Variants in SLC1A2 observed in about 807,000 individuals in gnomAD.
SLC1A2 encodes solute carrier family 1 member 2.
SLC1A2 carries 15 observed loss-of-function variants against 48.8 expected under a neutral mutation model. The ratio of observed to expected loss-of-function variants is 0.31; its 90% CI spans 0.21 to 0.47. The LOEUF (loss-of-function observed/expected upper bound fraction) is 0.47. Among genes scored for constraint, SLC1A2 ranks in the 20% least tolerant of loss-of-function variants. The pLI is 0.99. For missense variants in SLC1A2, 502 were observed against 730.5 expected (o/e 0.69, Z 3.61); for synonymous variants, 279 against 272.6 (o/e 1.02, Z -0.23).
At chr11:35,331,511 C>G (rs982507707) in intron 1 of SLC1A2, among the ~76,000 whole-genome samples, 8 of 152,332 alleles carry the variant, frequency 5.3e-5, no homozygotes, top group African/African-American at 1.9e-4. Context: ...CATCCAGTCA[C>G]CCCTGAAGGG....
intron 1 of SLC1A2, among the ~76,000 whole-genome samples, chr11:35,336,086 T>C (rs1316393480): frequency 6.6e-6 from 1 of 151,392 alleles, no homozygotes; most frequent in Non-Finnish European, 1.5e-5. Context: ...AAACACCACA[T>C]GTTTTCACTT....
intron 1 of SLC1A2, among the ~76,000 whole-genome samples, chr11:35,417,086 A>G (rs374642667): frequency 4.6e-5 from 7 of 152,182 alleles, no homozygotes; most frequent in African/African-American, 1.7e-4. Context: ...TGGGTCATAG[A>G]TCCTATATTT....
intron 1 of SLC1A2, among the ~76,000 whole-genome samples, chr11:35,333,673 T>C (rs572774950): frequency 1.6e-4 from 24 of 151,470 alleles, no homozygotes; most frequent in South Asian, 8.3e-4. Flanking sequence ...TCTTTTTTTT[T>C]CCCCTTGAGA....
chr11:35,308,335 G>A (rs1357382492), intron 4 of SLC1A2, among the ~76,000 whole-genome samples: 1 of 152,200 alleles, frequency 6.6e-6, no homozygotes. Context: ...TTGAAGCTGA[G>A]GAGATAGGAA....
chr11:35,322,642 T>C (rs879063109), intron 1 of SLC1A2: 13 of 1,535,044 alleles, frequency 8.5e-6, no homozygotes, highest in Middle Eastern at 1.7e-4. Context: ...GAGATAAAGA[T>C]GTCCAGAGAT....
intron 10 of SLC1A2, among the ~76,000 whole-genome samples, chr11:35,263,361 G>A (rs1378212746): frequency 2.6e-5 from 4 of 152,062 alleles, no homozygotes; most frequent in Non-Finnish European, 5.9e-5. Context: ...CCAGCTACTC[G>A]AGAGGCTGAG....
intron 9 of SLC1A2, among the ~76,000 whole-genome samples, chr11:35,266,667 A>G (rs1217093779): frequency 6.6e-6 from 1 of 151,810 alleles, no homozygotes; most frequent in African/African-American, 2.4e-5. Context: ...TAGATATTCA[A>G]AGTCTTAAAA....
chr11:35,417,886 G>A (rs186264468), intron 1 of SLC1A2, among the ~76,000 whole-genome samples: 77 of 152,258 alleles, frequency 5.1e-4, no homozygotes, highest in African/African-American at 1.8e-3. Context: ...ACAAGCCTGC[G>A]GAGTTGGTAA....
intron 1 of SLC1A2, among the ~76,000 whole-genome samples, chr11:35,358,368 T>G (rs183113082): frequency 6.6e-6 from 1 of 152,214 alleles, no homozygotes; most frequent in Non-Finnish European, 1.5e-5. Flanking sequence ...ATCATAATAT[T>G]AATCATGTTT....
At chr11:35,329,316 C>A (rs1852352988) in intron 1 of SLC1A2, among the ~76,000 whole-genome samples, 1 of 152,080 alleles carries the variant, frequency 6.6e-6, no homozygotes, top group Non-Finnish European at 1.5e-5. Flanking sequence ...TTGTCCAAAC[C>A]CATGAATGTA....
At chr11:35,360,852 C>T (rs546628654) in intron 1 of SLC1A2, among the ~76,000 whole-genome samples, 50 of 152,046 alleles carry the variant, frequency 3.3e-4, no homozygotes, top group Admixed American at 1.3e-4. Flanking sequence ...TAAAATGTTC[C>T]TGCATTTATT....
rs181770796 is a variant in SLC1A2 at position 35,312,381 on chromosome 11, G to A, written c.378C>T (p.Ser126=). 2.1e-4 allele frequency: 339 copies of A among 1,614,112 alleles called. 3 individuals carry two copies. The East Asian group carries it at 6.4e-3, about 31-fold the overall frequency. Reference sequence around the variant, plus strand: ...CCAGTACTGCAGCAATGATGGTCGTGGACATGTAATACACCATGGCTCTCG... The same window carrying A: ...CCAGTACTGCAGCAATGATGGTCGTAGACATGTAATACACCATGGCTCTCG... ...LGTRAMVYYM[S]TTIIAAVLGV... Residue 126 remains serine (S), a synonymous_variant, in exon 4 of 11, where the codon TCC becomes TCT. Transcript: ENST00000278379.
rs138986000 is a variant in SLC1A2, at chr11:35,358,104, C to T, written c.18-40588G>A. On this transcript the variant is annotated intron_variant, in intron 1 of 10. Transcript: ENST00000278379. The stretch of plus-strand genomic sequence containing the variant: ...AGGTTACAGTGAGTCGAGATTGTGT[C>T]ACTGTACTCCAGCCTGGCAACAGAG... Among the ~76,000 whole-genome samples the T allele has an allele frequency of 3.3e-5, 5 of 151,752 alleles. No individual in the cohort carries two copies. In the East Asian group the frequency reaches 9.7e-4, roughly 29 times the overall value.
chr11:35,392,641 C>G (rs554402736), intron 1 of SLC1A2, among the ~76,000 whole-genome samples: 30 of 152,274 alleles, frequency 2.0e-4, no homozygotes, highest in African/African-American at 7.0e-4. Context: ...ATTAAGACTC[C>G]CGGGGTTCCC....
chr11:35,349,289 A>G (rs1161751842), intron 1 of SLC1A2, among the ~76,000 whole-genome samples: 1 of 152,230 alleles, frequency 6.6e-6, no homozygotes, highest in African/African-American at 2.4e-5. Context: ...AAAAATACAA[A>G]GGGAATCAAA....
In SLC1A2 at chr11:35,344,757, C is replaced by A. The variant is rs541091470; in HGVS notation, c.18-27241G>T. On this transcript the variant is annotated intron_variant, in intron 1 of 10. Coordinates refer to ENST00000278379, the MANE Select transcript of SLC1A2 (RefSeq NM_004171.4). ...TCTGAATTTCAAAAAGAATGGGAGA[C>A]CCTTCCTGCTTTCTCAGCTTCAAGG... 2.0e-5 allele frequency among the ~76,000 whole-genome samples: 3 copies of A among 152,254 alleles called. No homozygotes were observed. The South Asian group carries it at 6.2e-4, about 32-fold the overall frequency.
intron 1 of SLC1A2, among the ~76,000 whole-genome samples, chr11:35,318,517 G>T (rs1395967954): frequency 4.6e-5 from 7 of 152,214 alleles, no homozygotes. Context: ...AGACAGGGAG[G>T]TGTTGCATTA....
At chr11:35,365,936 G>A (rs1355427093) in intron 1 of SLC1A2, among the ~76,000 whole-genome samples, 2 of 152,166 alleles carry the variant, frequency 1.3e-5, no homozygotes, top group African/African-American at 4.8e-5. Context: ...GGGGAGGGAG[G>A]CTATGGGCAC....
intron 1 of SLC1A2, among the ~76,000 whole-genome samples, chr11:35,363,413 G>C (rs1287093690): frequency 6.6e-6 from 1 of 152,056 alleles, no homozygotes; most frequent in East Asian, 1.9e-4. Context: ...GCCTCTTCTC[G>C]GTTGCCAAAG....
Sources: gnomAD v4.1 joint callset for allele counts (sites outside exome capture counted in the v4.1 genomes callset) on GRCh38, gnomAD v4.1.1 for gene constraint, MANE v1.5 for transcripts, NCBI Gene and HGNC (gene_info 2026-07-23, HGNC 2026-07-21) for gene names.